ATP8A2: variants seen among roughly 807,000 people sequenced by gnomAD.
ATP8A2 encodes the protein phospholipid-transporting ATPase IB.
In ATP8A2, 100 loss-of-function variants were observed where a neutral mutation model predicts 165.6. That is an observed-to-expected ratio of 0.60 (90% CI 0.51 to 0.71). The LOEUF (loss-of-function observed/expected upper bound fraction) is 0.71, where lower values mean the gene tolerates loss of function less well. Ranked by LOEUF, ATP8A2 falls within the 30% of genes least tolerant of loss-of-function variation. The pLI is 0.00. For missense variants in ATP8A2, 1,227 were observed against 1,479.5 expected (o/e 0.83, Z 2.80); for synonymous variants, 543 against 548.8 (o/e 0.99, Z 0.15).
At chr13:25,858,248 T>G (rs1257523028) in intron 30 of ATP8A2, among the ~76,000 whole-genome samples, 1 of 152,210 alleles carries the variant, frequency 6.6e-6, no homozygotes, top group Non-Finnish European at 1.5e-5. Flanking sequence ...TACATCAGCA[T>G]GTTGCCTTCT....
chr13:25,454,713 T>C (rs1314873716), intron 1 of ATP8A2, among the ~76,000 whole-genome samples: 1 of 152,086 alleles, frequency 6.6e-6, no homozygotes, highest in Admixed American at 6.5e-5. Flanking sequence ...CACGAGGTCA[T>C]GAGATCGAGA....
chr13:25,792,263 C>T lies in ATP8A2; in HGVS notation c.2679+17304C>T, dbSNP rs376407753. Among the ~76,000 whole-genome samples the T allele has an allele frequency of 7.9e-4, 121 of 152,246 alleles. 1 individual carries two copies. Among genetic ancestry groups the T allele is most frequent in the South Asian group, 3.1e-3 (15 of 4,826 alleles). ...TAAAGGCTTTCATTTTTTGGCAGCC[C>T]AGATGCAAACAATAAAATAATCCTG... On this transcript the variant is annotated intron_variant, in intron 27 of 36. Transcript: ENST00000381655.
chr13:25,946,862 C>T (rs111449566), intron 33 of ATP8A2, among the ~76,000 whole-genome samples: 1 of 152,136 alleles, frequency 6.6e-6, no homozygotes, highest in African/African-American at 2.4e-5. Flanking sequence ...ATTCTCCTGC[C>T]TCAGCCTCCC....
chr13:25,513,082 G>C (rs1468755767), intron 2 of ATP8A2, among the ~76,000 whole-genome samples: 4 of 151,770 alleles, frequency 2.6e-5, no homozygotes, highest in Non-Finnish European at 4.4e-5. Context: ...CCTCCCGGAC[G>C]GGGTGGCTGC....
chr13:25,559,623 G>A (rs1244031909), intron 14 of ATP8A2, 98 bp from the exon 15 acceptor site: 1 of 906,570 alleles, frequency 1.1e-6, no homozygotes, highest in Non-Finnish European at 1.8e-6. Flanking sequence ...GAATCTGTAA[G>A]TTTGTATATC....
intron 1 of ATP8A2, among the ~76,000 whole-genome samples, chr13:25,394,499 C>G (rs996252123): frequency 2.0e-5 from 3 of 152,172 alleles, no homozygotes; most frequent in Non-Finnish European, 4.4e-5. Context: ...AGGCTGTGCC[C>G]CCGAGCCTGA....
At chr13:25,937,305 T>TTC (rs1312657031) in intron 33 of ATP8A2, among the ~76,000 whole-genome samples, 1 of 151,514 alleles carries the variant, frequency 6.6e-6, no homozygotes, top group Non-Finnish European at 1.5e-5. Flanking sequence ...ATAGAAGTCA[T>TTC]TCACTCAACT....
At chr13:25,494,362 A>T (rs1255154276) in intron 2 of ATP8A2, among the ~76,000 whole-genome samples, 1 of 152,150 alleles carries the variant, frequency 6.6e-6, no homozygotes, top group Non-Finnish European at 1.5e-5. Context: ...GGGTAGTTGG[A>T]GGGATCGCTT....
chr13:25,574,094 A>G (rs6491065), intron 18 of ATP8A2, among the ~76,000 whole-genome samples: 103,683 of 152,074 alleles, frequency 0.68, 36,445 homozygotes, highest in Middle Eastern at 0.73. Flanking sequence ...TGGGGAAATG[A>G]AAAGATTAGA....
At chr13:25,399,806 C>T (rs1038442991) in intron 1 of ATP8A2, among the ~76,000 whole-genome samples, 2 of 150,486 alleles carry the variant, frequency 1.3e-5, no homozygotes, top group Middle Eastern at 3.4e-3. Context: ...CTTTCTTCTT[C>T]TCCTTCCTAC....
chr13:25,682,529 G>A (rs541530608), intron 24 of ATP8A2, among the ~76,000 whole-genome samples: 5 of 152,230 alleles, frequency 3.3e-5, no homozygotes, highest in African/African-American at 4.8e-5. Context: ...CCTTTATTGC[G>A]AGTTTTCTCT....
At chr13:25,595,026 A>G (rs2040199856) in intron 24 of ATP8A2, among the ~76,000 whole-genome samples, 1 of 149,234 alleles carries the variant, frequency 6.7e-6, no homozygotes, top group Non-Finnish European at 1.5e-5. Flanking sequence ...GCGTATATGT[A>G]TATGTATATA....
chr13:25,828,229 A>G (rs887871495), intron 28 of ATP8A2, 37 bp downstream of exon 28: 4 of 1,490,512 alleles, frequency 2.7e-6, no homozygotes, highest in Non-Finnish European at 3.7e-6. Context: ...AGCATGCAGA[A>G]CTTAGAACTT....
chr13:25,755,784 A>ATT, intron 25 of ATP8A2, among the ~76,000 whole-genome samples: 1 of 152,002 alleles, frequency 6.6e-6, no homozygotes, highest in Non-Finnish European at 1.5e-5. Context: ...GCGGGCATGT[A>ATT]TAATCCCAGC....
intron 36 of ATP8A2, among the ~76,000 whole-genome samples, chr13:26,019,239 CA>C (rs369411184): frequency 0.029 from 4,334 of 150,680 alleles, 194 homozygotes; most frequent in African/African-American, 0.093. Flanking sequence ...ACTAAAAATA[CA>C]AAAAAAAATA....
In ATP8A2 at chr13:25,538,113, A is replaced by G. The variant is rs763863558; in HGVS notation, c.581+52A>G. ...TTGCAATAAATGTTAAGAACAATAA[A>G]ATATTAAGCAGCACCTGGGGCAGTC... is the stretch of plus-strand genomic sequence containing the variant. On this transcript the variant is annotated intron_variant, in intron 7 of 36. Coordinates refer to ENST00000381655, the MANE Select transcript of ATP8A2 (RefSeq NM_016529.6). 10 of 1,414,646 alleles carry G rather than the reference A, an allele frequency of 7.1e-6. 1 individual carries two copies. In the South Asian group the frequency reaches 1.1e-4, roughly 15 times the overall value. 87.6% of individuals were successfully genotyped at this position (1,414,646 alleles called of 1,614,324 possible).
intron 35 of ATP8A2, among the ~76,000 whole-genome samples, chr13:25,977,190 CT>C (rs1320798013): frequency 6.6e-6 from 1 of 151,744 alleles, no homozygotes; most frequent in African/African-American, 2.4e-5. Flanking sequence ...TTCGTGGAGC[CT>C]AGTATGGTCT....
chr13:25,993,299 A>G (rs1158430905), intron 35 of ATP8A2, among the ~76,000 whole-genome samples: 1 of 152,164 alleles, frequency 6.6e-6, no homozygotes, highest in African/African-American at 2.4e-5. Flanking sequence ...TATCATACTG[A>G]ATGGGCAAAA....
chr13:25,424,467 A>ATTCCCTTCTCT (rs2138115984), intron 1 of ATP8A2, among the ~76,000 whole-genome samples: 1 of 152,296 alleles, frequency 6.6e-6, no homozygotes, highest in South Asian at 2.1e-4. Context: ...TCCTCTGAGT[A>ATTCCCTTCTCT]CTGCTCATGA....
Sources: gnomAD v4.1 joint callset for allele counts (sites outside exome capture counted in the v4.1 genomes callset) on GRCh38, gnomAD v4.1.1 for gene constraint, MANE v1.5 for transcripts, NCBI Gene and HGNC (gene_info 2026-07-23, HGNC 2026-07-21) for gene names.